ZKSCAN2: variants seen among roughly 807,000 people sequenced by gnomAD.
The protein encoded by ZKSCAN2 is zinc finger with KRAB and SCAN domains 2, also known as zinc finger protein with KRAB and SCAN domains 2.
A neutral mutation model predicts 90.5 loss-of-function variants in ZKSCAN2; 38 were observed. The observed-to-expected ratio is 0.42, with a 90% CI of 0.32 to 0.55. ZKSCAN2 has a LOEUF of 0.55. ZKSCAN2 is among the 20% of genes least tolerant of loss of function. ZKSCAN2 has a pLI of 0.11. For missense variants in ZKSCAN2, 1,167 were observed against 1,202.6 expected, an observed-to-expected ratio of 0.97 and a Z score of 0.44; for synonymous variants, 429 against 421.6, an observed-to-expected ratio of 1.02 and a Z score of -0.22.
chr16:25,251,841 C>T, intron 4 of ZKSCAN2, 68 bp downstream of exon 4: 6 of 1,553,626 alleles, frequency 3.9e-6, no homozygotes, highest in Non-Finnish European at 5.3e-6. Context: ...TGCCTATCTT[C>T]TAATCAGTAG....
Position 25,240,575 on chromosome 16 carries a change from T to A in ZKSCAN2, c.2145A>T (p.Glu715Asp), listed in dbSNP as rs1962837047. Residue 715 changes from glutamate (E) to aspartate (D), a missense_variant, in exon 7 of 7, where the codon GAA becomes GAT. Physicochemically the swap from Glu to Asp is conservative, Grantham distance 45. Transcript: ENST00000328086. ...TTCCCTGTCTAATTCCTTGAAGATT[T>A]TCCCATTGTCTTCCTGAGATGCATT... ...KRECISGRQW[E>D]NLQGIRQGKP... is the part of the protein sequence containing the mutation. 4 of 1,614,196 alleles carry A rather than the reference T, an allele frequency of 2.5e-6. No homozygotes were observed. The South Asian group carries it at 4.4e-5, about 18-fold the overall frequency.
At position 25,256,967 on chromosome 16, in the gene ZKSCAN2, T is replaced by C. The variant is rs1365301110; in HGVS notation, c.161A>G (p.Glu54Gly). 2 of 1,614,132 alleles carry C rather than the reference T, an allele frequency of 1.2e-6. No homozygotes were observed. Among genetic ancestry groups the C allele is most frequent in the Admixed American group, 3.3e-5 (2 of 60,010 alleles). The change falls in exon 1 of 7, where the codon GAG becomes GGG. Residue 54 changes from glutamate to glycine, a missense_variant. Coordinates refer to ENST00000328086, the MANE Select transcript of ZKSCAN2 (RefSeq NM_001012981.5). ...FRKCFRQFCY[E>G]DVTGPHEAFS... ...AGCTTCATGGGGTCCAGTCACATCC[T>C]CATAACAGAATTGCCTGAAGCATTT...
rs1963132473 is a variant in ZKSCAN2, at chr16:25,257,642, T to G, written c.-515A>C. 1 of 370,774 alleles carries G rather than the reference T, an allele frequency of 2.7e-6. No individual in the cohort carries two copies. The highest frequency in any genetic ancestry group is 3.7e-6 in the Non-Finnish European group (1 of 268,532). The allele number at this position is 370,774 out of a possible 1,614,324, so 23.0% of individuals were successfully genotyped here. A position where few individuals can be genotyped will look rare whatever the true frequency, so the allele number is the denominator to read the frequency against. ...GCGGGTGCCGCTGGGGCCGCCGGAT[T>G]CCGAGAGCGGCGCCGGGCTCTTTCG... On this transcript the variant is annotated 5_prime_UTR_variant, in exon 1 of 7. Transcript: ENST00000328086.
chr16:25,256,216 G>A (rs988553824), intron 1 of ZKSCAN2, among the ~76,000 whole-genome samples: 1 of 152,194 alleles, frequency 6.6e-6, no homozygotes, highest in African/African-American at 2.4e-5. Context: ...AAGCCACTGA[G>A]AAATGAAGAT....
In ZKSCAN2 at chr16:25,257,369, A is replaced by G. The variant is rs1427462221; in HGVS notation, c.-242T>C. 7 of 1,249,154 alleles carry G rather than the reference A, an allele frequency of 5.6e-6. No individual in the cohort carries two copies. The highest frequency in any genetic ancestry group is 8.0e-5 in the Admixed American group (2 of 25,076). The allele number at this position is 1,249,154 out of a possible 1,614,324, so 77.4% of individuals were successfully genotyped here. On this transcript the variant is annotated 5_prime_UTR_variant, in exon 1 of 7. Coordinates refer to ENST00000328086, the MANE Select transcript of ZKSCAN2 (RefSeq NM_001012981.5). The stretch of plus-strand genomic sequence containing the variant: ...TCTCCAAACAAGATGTGACCGCGCA[A>G]TGTGGTTTTCCAGAGTGCATCCCTC...
In ZKSCAN2 at chr16:25,239,656, G is replaced by A. The variant is rs1055401380; in HGVS notation, c.*160C>T. 19 of 606,596 alleles carry A rather than the reference G, an allele frequency of 3.1e-5. No homozygotes were observed. The highest frequency in any genetic ancestry group is 4.8e-5 in the Non-Finnish European group (17 of 354,842). The allele number at this position is 606,596 out of a possible 1,614,324, so 37.6% of individuals were successfully genotyped here. On this transcript the variant is annotated 3_prime_UTR_variant, in exon 7 of 7. Transcript: ENST00000328086. ...CACAGAAGAGGAGGAACAGACTGATGAAGTTAGAGGCAGAGGTGAGAACAG... is the reference window on the plus strand; with the variant it reads ...CACAGAAGAGGAGGAACAGACTGATAAAGTTAGAGGCAGAGGTGAGAACAG...
At chr16:25,252,445 T>TA (rs766330800) in intron 3 of ZKSCAN2, among the ~76,000 whole-genome samples, 1 of 151,870 alleles carries the variant, frequency 6.6e-6, no homozygotes, top group South Asian at 2.1e-4. Flanking sequence ...AGTAAAGGAA[T>TA]AGGGGGAAAT....
intron 5 of ZKSCAN2, among the ~76,000 whole-genome samples, chr16:25,245,891 C>G (rs1361623870): frequency 6.6e-6 from 1 of 152,056 alleles, no homozygotes; most frequent in Admixed American, 6.6e-5. Flanking sequence ...TTTATATTAT[C>G]CTATTTAACA....
In ZKSCAN2 at chr16:25,240,299, G is replaced by A; in HGVS notation, c.2421C>T (p.Asp807=). ...AGGAGTCATTAAAGCTTTTTCCACA[G>A]TCAAGACATTTAAAAGGTTTTTCGC... ...HTGEKPFKCL[D]CGKSFNDSSN... is the part of the protein sequence containing the mutation. The change falls in exon 7 of 7, where the codon GAC becomes GAT. Residue 807 remains aspartate, a synonymous_variant. Transcript: ENST00000328086. 1 of 1,614,048 alleles carries A rather than the reference G, an allele frequency of 6.2e-7. No homozygotes were observed. Among genetic ancestry groups the A allele is most frequent in the Non-Finnish European group, 8.5e-7 (1 of 1,180,034 alleles).
In ZKSCAN2 at chr16:25,251,933, T is replaced by A; in HGVS notation, c.781A>T (p.Asn261Tyr). The A allele has an allele frequency of 6.2e-7, 1 of 1,614,100 alleles. No individual in the cohort carries two copies. The highest frequency in any genetic ancestry group is 8.5e-7 in the Non-Finnish European group (1 of 1,180,002). Residue 261 changes from asparagine (N) to tyrosine (Y), a missense_variant, in exon 4 of 7, where the codon AAT becomes TAT. Transcript: ENST00000328086. ...CCCAGGGAGACCACGTTCCCAACAT[T>A]CTCCTTCCTGAAATCCCGGTAGAGG... Reference protein sequence around the residue: ...RDLYRDFRKENVGNVVSLGSA... With the variant: ...RDLYRDFRKEYVGNVVSLGSA...
chr16:25,253,136 A>C, intron 2 of ZKSCAN2, 99 bp from the exon 3 acceptor site: 1 of 916,208 alleles, frequency 1.1e-6, no homozygotes, highest in South Asian at 1.3e-5. Context: ...AAACACCAAC[A>C]AATATAAATT....
At chr16:25,251,883 T>C (rs781504289) in intron 4 of ZKSCAN2, 26 bp downstream of exon 4, 1 of 1,611,902 alleles carries the variant, frequency 6.2e-7, no homozygotes, top group East Asian at 2.2e-5. Flanking sequence ...CCAAGTCTTA[T>C]ATTTGGAAAG....
At position 25,257,121 on chromosome 16, in the gene ZKSCAN2, C is replaced by CA. The variant is rs1319165902; in HGVS notation, c.6dup (p.Val3CysfsTer14). 3 of 1,599,396 alleles carry CA rather than the reference C, an allele frequency of 1.9e-6. No individual in the cohort carries two copies. The highest frequency in any genetic ancestry group is 2.6e-6 in the Non-Finnish European group (3 of 1,171,906). On this transcript the variant is annotated frameshift_variant, in exon 1 of 7. Transcript: ENST00000328086. LOFTEE classifies it high-confidence loss of function. ...GCGTCGATCTGAGAGTCGAGGGCGACAGCCATGCTGCAGCCCAGGGGTCAA... is the reference window on the plus strand; with the variant it reads ...GCGTCGATCTGAGAGTCGAGGGCGACAAGCCATGCTGCAGCCCAGGGGTCAA...
chr16:25,251,074 T>C (rs1963013095), intron 4 of ZKSCAN2, among the ~76,000 whole-genome samples: 1 of 152,000 alleles, frequency 6.6e-6, no homozygotes, highest in Non-Finnish European at 1.5e-5. Context: ...ATATATTTAA[T>C]AAATAAATAT....
intron 3 of ZKSCAN2, 29 bp downstream of exon 3, chr16:25,252,917 C>G: frequency 6.3e-7 from 1 of 1,585,276 alleles, no homozygotes; most frequent in Non-Finnish European, 8.7e-7. Context: ...GACTCCATCT[C>G]AAAGAAAAAA....
chr16:25,236,734 TA>T lies in ZKSCAN2; in HGVS notation c.*3081del. On this transcript the variant is annotated 3_prime_UTR_variant, in exon 7 of 7. Transcript: ENST00000328086. ...ACTGTTTCTTTCCAGATGAATGAAT[TA>T]GGTTGAATGCATAATAACATCACTG... The T allele has an allele frequency of 6.6e-6, 1 of 152,288 alleles. No homozygotes were observed. Among genetic ancestry groups the T allele is most frequent in the Middle Eastern group, 3.4e-3 (1 of 294 alleles). 9.4% of individuals were successfully genotyped at this position (152,288 alleles called of 1,614,324 possible). A position where few individuals can be genotyped will look rare whatever the true frequency, so the allele number is the denominator to read the frequency against.
chr16:25,237,891 G>A lies in ZKSCAN2; in HGVS notation c.*1925C>T, dbSNP rs1465794534. The stretch of plus-strand genomic sequence containing the variant: ...TACACAATATAAACACAAGCCCACT[G>A]GCACCACAAACATCTTACTGTGCTA... On this transcript the variant is annotated 3_prime_UTR_variant, in exon 7 of 7. Transcript: ENST00000328086. 6.6e-6 allele frequency: 1 copy of A among 152,228 alleles called. No homozygotes were observed. Among genetic ancestry groups the A allele is most frequent in the Non-Finnish European group, 1.5e-5 (1 of 68,042 alleles). 9.4% of individuals were successfully genotyped at this position (152,228 alleles called of 1,614,324 possible). A position where few individuals can be genotyped will look rare whatever the true frequency, so the allele number is the denominator to read the frequency against.
intron 6 of ZKSCAN2, among the ~76,000 whole-genome samples, chr16:25,242,273 A>G (rs922124787): frequency 2.0e-5 from 3 of 152,234 alleles, no homozygotes; most frequent in African/African-American, 7.2e-5. Context: ...ATTTGATGAT[A>G]GGTTTGGAGC....
chr16:25,247,514 T>A, intron 4 of ZKSCAN2, 124 bp from the exon 5 acceptor site: 1 of 710,192 alleles, frequency 1.4e-6, no homozygotes, highest in South Asian at 1.9e-5. Flanking sequence ...GCTGTGACAC[T>A]GCACATTTAT....
Sources: allele counts gnomAD v4.1 joint callset (sites outside exome capture counted in the v4.1 genomes callset), GRCh38; gene constraint gnomAD v4.1.1; transcripts MANE v1.5; gene names NCBI Gene and HGNC (gene_info 2026-07-23, HGNC 2026-07-21).